The following WBP4 variants were observed in gnomAD, a reference collection of about 807,000 sequenced individuals.
The protein encoded by WBP4 is WW domain-binding protein 4.
Under a neutral mutation model 55.4 loss-of-function variants are expected in WBP4, and 37 were observed. The ratio of observed to expected loss-of-function variants is 0.67; its 90% CI spans 0.51 to 0.88. The LOEUF (loss-of-function observed/expected upper bound fraction) is 0.88, where lower values mean the gene tolerates loss of function less well. Among genes scored for constraint, WBP4 ranks in the 40% least tolerant of loss-of-function variants. WBP4 has a pLI of 0.00. For synonymous variants in WBP4, 142 were observed against 140.2 expected, an observed-to-expected ratio of 1.01 and a Z score of -0.09; for missense variants, 398 against 420.8, an observed-to-expected ratio of 0.95 and a Z score of 0.47.
At chr13:41,074,269 C>T (rs924921646) in intron 7 of WBP4, among the ~76,000 whole-genome samples, 9 of 152,174 alleles carry the variant, frequency 5.9e-5, no homozygotes, top group Admixed American at 1.3e-4. Context: ...AATTTAACAT[C>T]ATAAACAGTT....
chr13:41,062,351 T>G lies in WBP4; in HGVS notation c.3-293T>G, dbSNP rs2138455748. ...AAGCCAGAAAGGATAAATGTTCTTC[T>G]AAGATGTTCCTTAGTTTTTCATAAC... On this transcript the variant is annotated intron_variant, in intron 1 of 9. Transcript: ENST00000379487. 3.3e-6 allele frequency: 3 copies of G among 920,862 alleles called. No homozygotes were observed. The South Asian group carries it at 1.5e-4, about 46-fold the overall frequency. The allele number at this position is 920,862 out of a possible 1,614,324, so 57.0% of individuals were successfully genotyped here.
At chr13:41,079,810 T>G (rs960489600) in intron 8 of WBP4, among the ~76,000 whole-genome samples, 1 of 152,098 alleles carries the variant, frequency 6.6e-6, no homozygotes, top group Non-Finnish European at 1.5e-5. Flanking sequence ...TAAATCAACC[T>G]AAGTGTCCGT....
intron 8 of WBP4, among the ~76,000 whole-genome samples, chr13:41,080,335 T>C (rs934881825): frequency 3.9e-5 from 6 of 152,128 alleles, no homozygotes; most frequent in African/African-American, 1.2e-4. Flanking sequence ...GGAGTCACTG[T>C]TGGGTATGCA....
At chr13:41,071,669 A>G in intron 6 of WBP4, 96 bp downstream of exon 6, 1 of 1,114,252 alleles carries the variant, frequency 9.0e-7, no homozygotes, top group Non-Finnish European at 1.3e-6. Context: ...TTTATTTACA[A>G]ATACTCCACT....
intron 7 of WBP4, 64 bp downstream of exon 7, chr13:41,072,921 C>A: frequency 2.3e-6 from 3 of 1,319,940 alleles, no homozygotes; most frequent in Non-Finnish European, 3.2e-6. Context: ...TATTGGCCTG[C>A]TGATTAATCA....
rs140886386 is a variant in WBP4 at position 41,065,234 on chromosome 13, C to T, written c.209C>T (p.Ala70Val). The change falls in exon 4 of 10, where the codon GCA becomes GTA. Residue 70 changes from alanine (A) to valine (V), a missense_variant. Transcript: ENST00000379487. ...KASKEFAAME[A>V]AALKAYQEDL... ...TCAAAGGAGTTTGCTGCAATGGAGG[C>T]AGCTGCCCTGAAAGCATACCAAGAG... 5.0e-6 allele frequency: 8 copies of T among 1,607,744 alleles called. No homozygotes were observed. In the African/African-American group the frequency reaches 5.5e-5, roughly 11 times the overall value.
chr13:41,062,523 A>G, intron 1 of WBP4, 121 bp from the exon 2 acceptor site: 1 of 893,454 alleles, frequency 1.1e-6, no homozygotes. Flanking sequence ...ACGACTATAC[A>G]TAACAAGACA....
intron 6 of WBP4, among the ~76,000 whole-genome samples, chr13:41,072,355 G>C (rs1878287497): frequency 6.6e-6 from 1 of 152,218 alleles, no homozygotes; most frequent in African/African-American, 2.4e-5. Flanking sequence ...TTGACTCACA[G>C]TTATGCAGGC....
At chr13:41,064,685 C>A (rs899709631) in intron 2 of WBP4, among the ~76,000 whole-genome samples, 8 of 152,030 alleles carry the variant, frequency 5.3e-5, no homozygotes, top group African/African-American at 1.9e-4. Flanking sequence ...TTTCCCCAGT[C>A]TTTTGGCTTC....
At chr13:41,061,728 C>G in intron 1 of WBP4, 53 bp downstream of exon 1, 1 of 1,611,876 alleles carries the variant, frequency 6.2e-7, no homozygotes, top group Non-Finnish European at 8.5e-7. Flanking sequence ...CTGGGCCGCC[C>G]TTTCTCGCCC....
chr13:41,078,603 G>A (rs144515755), intron 8 of WBP4, among the ~76,000 whole-genome samples: 5 of 152,236 alleles, frequency 3.3e-5, no homozygotes, highest in African/African-American at 1.2e-4. Context: ...CGAGGTGGGC[G>A]GATCACCTGA....
chr13:41,073,059 A>G (rs540794294), intron 7 of WBP4, among the ~76,000 whole-genome samples: 1 of 152,352 alleles, frequency 6.6e-6, no homozygotes, highest in South Asian at 2.1e-4. Context: ...TGTGCTGTTC[A>G]CCAATGTTAT....
intron 7 of WBP4, among the ~76,000 whole-genome samples, chr13:41,073,350 G>A (rs1284791393): frequency 6.6e-6 from 1 of 151,680 alleles, no homozygotes; most frequent in Admixed American, 6.6e-5. Context: ...CCCTGTCTCT[G>A]TTAAATACAA....
In WBP4 at chr13:41,080,631, G is replaced by T. The variant is rs1001905683; in HGVS notation, c.757-15G>T. 18 of 1,569,042 alleles carry T rather than the reference G, an allele frequency of 1.1e-5. No individual in the cohort carries two copies. In the Admixed American group the frequency reaches 2.6e-4, roughly 23 times the overall value. On this transcript the variant is annotated splice_polypyrimidine_tract_variant and intron_variant, in intron 8 of 9. Transcript: ENST00000379487. ...TTTGCTTGAACTGTATTATTTCTTG[G>T]CTTTTACATTTCAGGAAAAAAATAA... is the stretch of plus-strand genomic sequence containing the variant.
At position 41,081,498 on chromosome 13, in the gene WBP4, C is replaced by CAAA. The variant is rs555764002; in HGVS notation, c.920+709_920+711dup. On this transcript the variant is annotated intron_variant, in intron 9 of 9. Coordinates refer to ENST00000379487, the MANE Select transcript of WBP4 (RefSeq NM_007187.5). ...GGGCAACAGAGTAGGACCTTGTCTC[C>CAAA]AAAAAAAAAAAAAAAAAAAAAATGT... Among the ~76,000 whole-genome samples the CAAA allele has an allele frequency of 9.2e-3, 743 of 81,128 alleles. 10 individuals are homozygous for CAAA. The highest frequency in any genetic ancestry group is 0.046 in the East Asian group (132 of 2,886). The allele number at this position is 81,128 out of a possible 152,430, so 53.2% of individuals were successfully genotyped here.
intron 1 of WBP4, chr13:41,062,337 G>A (rs1877719179): frequency 2.1e-6 from 2 of 945,762 alleles, no homozygotes; most frequent in Admixed American, 1.2e-4. Context: ...AGCCAGAAAG[G>A]ATAAATGTTC....
chr13:41,079,088 G>A (rs968416029), intron 8 of WBP4, among the ~76,000 whole-genome samples: 5 of 152,008 alleles, frequency 3.3e-5, no homozygotes, highest in South Asian at 2.1e-4. Context: ...TCCAGAATCC[G>A]CAAGGGACTC....
chr13:41,072,681 C>A, intron 6 of WBP4, 101 bp from the exon 7 acceptor site: 1 of 906,386 alleles, frequency 1.1e-6, no homozygotes. Flanking sequence ...ATGATATCAC[C>A]AGGTGTCAGG....
chr13:41,082,726 C>A lies in WBP4; in HGVS notation c.943C>A (p.Pro315Thr), dbSNP rs764886069. 6.2e-6 allele frequency: 10 copies of A among 1,613,934 alleles called. No homozygotes were observed. In the South Asian group the frequency reaches 1.1e-4, roughly 18 times the overall value. The change falls in exon 10 of 10, where the codon CCA becomes ACA. Residue 315 changes from proline (P) to threonine (T), a missense_variant. Transcript: ENST00000379487. ...ESHEEVDLEL[P>T]STENEYVSTS... ...CAGTGAGGAGGTAGATTTGGAACTTCCAAGCACTGAAAATGAGTATGTATC... is the reference window on the plus strand; with the variant it reads ...CAGTGAGGAGGTAGATTTGGAACTTACAAGCACTGAAAATGAGTATGTATC...
Sources: gnomAD v4.1 joint callset for allele counts (sites outside exome capture counted in the v4.1 genomes callset) on GRCh38, gnomAD v4.1.1 for gene constraint, MANE v1.5 for transcripts, NCBI Gene and HGNC (gene_info 2026-07-23, HGNC 2026-07-21) for gene names.